The following CCSER1 variants were observed in gnomAD, a reference collection of about 807,000 sequenced individuals.
The protein encoded by CCSER1 is serine-rich coiled-coil domain-containing protein 1.
CCSER1 carries 41 observed loss-of-function variants against 82.0 expected under a neutral mutation model. The ratio of observed to expected loss-of-function variants is 0.50; its 90% confidence interval spans 0.39 to 0.65. CCSER1 has a LOEUF of 0.65. Ranked by LOEUF, CCSER1 falls within the 30% of genes least tolerant of loss-of-function variation. The probability of loss-of-function intolerance (pLI) is 0.00; values close to 1 mark genes in which losing one functional copy is unlikely to be tolerated. For missense variants in CCSER1, 1,119 were observed against 1,064.2 expected, an observed-to-expected ratio of 1.05 and a Z score of -0.72; for synonymous variants, 414 against 383.9, an observed-to-expected ratio of 1.08 and a Z score of -0.92.
chr4:90,922,131 G>A (rs913100712), intron 8 of CCSER1, among the ~76,000 whole-genome samples: 2 of 152,058 alleles, frequency 1.3e-5, no homozygotes, highest in African/African-American at 4.8e-5. Context: ...GAAGTCAGAA[G>A]TGATGAGACT....
intron 5 of CCSER1, among the ~76,000 whole-genome samples, chr4:90,488,437 C>T (rs1015741392): frequency 7.2e-5 from 11 of 152,138 alleles, no homozygotes; most frequent in Admixed American, 5.9e-4. Context: ...ATCCGCCCCA[C>T]TCGGCCTCCC....
chr4:90,361,565 T>A (rs1009829624), intron 3 of CCSER1, among the ~76,000 whole-genome samples: 1 of 152,186 alleles, frequency 6.6e-6, no homozygotes, highest in African/African-American at 2.4e-5. Flanking sequence ...ATATATTATG[T>A]GACACTGAAG....
chr4:91,182,337 G>T, intron 10 of CCSER1, among the ~76,000 whole-genome samples: 1 of 152,254 alleles, frequency 6.6e-6, no homozygotes, highest in East Asian at 1.9e-4. Flanking sequence ...CCCAAATTTT[G>T]TTAACGGATC....
chr4:91,256,373 G>T (rs1740684931), intron 10 of CCSER1, among the ~76,000 whole-genome samples: 1 of 152,122 alleles, frequency 6.6e-6, no homozygotes, highest in Admixed American at 6.5e-5. Flanking sequence ...TTCTAGTTTT[G>T]CCCTGGCCTA....
intron 10 of CCSER1, among the ~76,000 whole-genome samples, chr4:91,248,790 T>TATTA (rs5860226): frequency 0.23 from 34,602 of 151,894 alleles, 4,618 homozygotes; most frequent in African/African-American, 0.36. Flanking sequence ...CAATATTAAT[T>TATTA]ATTATTACAA....
intron 1 of CCSER1, among the ~76,000 whole-genome samples, chr4:90,273,511 A>G (rs1726982719): frequency 6.6e-6 from 1 of 152,192 alleles, no homozygotes; most frequent in Admixed American, 6.5e-5. Context: ...ATAATTTTAA[A>G]AAACTGAAGT....
intron 7 of CCSER1, among the ~76,000 whole-genome samples, chr4:90,740,533 A>T (rs1746363835): frequency 6.6e-6 from 1 of 152,188 alleles, no homozygotes; most frequent in Admixed American, 6.5e-5. Context: ...AACATTAGCA[A>T]ATACTTTCAT....
chr4:91,468,040 GAC>G (rs1757029905), intron 10 of CCSER1, among the ~76,000 whole-genome samples: 1 of 152,108 alleles, frequency 6.6e-6, no homozygotes, highest in Non-Finnish European at 1.5e-5. Flanking sequence ...CTGCTATAAA[GAC>G]ACATACACAC....
intron 5 of CCSER1, among the ~76,000 whole-genome samples, chr4:90,598,825 G>A (rs973397130): frequency 6.6e-5 from 10 of 152,082 alleles, no homozygotes; most frequent in Non-Finnish European, 1.0e-4. Flanking sequence ...TTAGAATGGG[G>A]AGATGAGCCT....
intron 4 of CCSER1, among the ~76,000 whole-genome samples, chr4:90,412,548 A>T (rs1361791242): frequency 1.3e-5 from 2 of 151,466 alleles, no homozygotes; most frequent in African/African-American, 2.4e-5. Flanking sequence ...AACCAAAAAG[A>T]TAATCCATGA....
chr4:91,359,675 G>A (rs1455535209), intron 10 of CCSER1, among the ~76,000 whole-genome samples: 6 of 151,794 alleles, frequency 4.0e-5, no homozygotes, highest in African/African-American at 1.5e-4. Context: ...AAAGGATATT[G>A]AAAAAGGGCT....
At chr4:90,436,043 T>C (rs2153569515) in intron 4 of CCSER1, among the ~76,000 whole-genome samples, 1 of 152,294 alleles carries the variant, frequency 6.6e-6, no homozygotes, top group Non-Finnish European at 1.5e-5. Flanking sequence ...ATGTTAATAT[T>C]CATGATATTA....
intron 10 of CCSER1, among the ~76,000 whole-genome samples, chr4:91,305,193 A>G (rs1015760693): frequency 2.0e-5 from 3 of 152,052 alleles, no homozygotes; most frequent in African/African-American, 7.2e-5. Context: ...GAATCATTCA[A>G]AAGTTTGTTT....
chr4:91,225,352 GT>G (rs1451423663), intron 10 of CCSER1, among the ~76,000 whole-genome samples: 38 of 68,368 alleles, frequency 5.6e-4, no homozygotes, highest in African/African-American at 2.3e-3. Context: ...TAATATATAT[GT>G]ATATATATTA....
intron 10 of CCSER1, among the ~76,000 whole-genome samples, chr4:91,242,501 T>C (rs1739450020): frequency 6.6e-6 from 1 of 152,172 alleles, no homozygotes; most frequent in Admixed American, 6.5e-5. Flanking sequence ...TATCTCAAAA[T>C]GGATTATAAG....
chr4:90,985,895 G>T (rs959816928), intron 9 of CCSER1, among the ~76,000 whole-genome samples: 1 of 151,706 alleles, frequency 6.6e-6, no homozygotes, highest in African/African-American at 2.4e-5. Flanking sequence ...TATTAGACCA[G>T]TTAACTAATA....
chr4:91,521,470 G>A (rs2110141579), intron 10 of CCSER1, among the ~76,000 whole-genome samples: 1 of 152,258 alleles, frequency 6.6e-6, no homozygotes, highest in East Asian at 1.9e-4. Context: ...CTTCCACAAT[G>A]GTTGAACTAA....
chr4:90,943,775 T>C (rs1315474366), intron 9 of CCSER1, among the ~76,000 whole-genome samples: 2 of 136,812 alleles, frequency 1.5e-5, no homozygotes, highest in Admixed American at 7.8e-5. Flanking sequence ...GGGGTCTCAC[T>C]ATGTTGCCTA....
chr4:90,281,717 G>T (rs1040640314), intron 1 of CCSER1, among the ~76,000 whole-genome samples: 1 of 151,868 alleles, frequency 6.6e-6, no homozygotes, highest in Non-Finnish European at 1.5e-5. Context: ...TTATGGTGTT[G>T]GAAAGTCTGA....
Sources: gnomAD v4.1 joint callset for allele counts (sites outside exome capture counted in the v4.1 genomes callset) on GRCh38, gnomAD v4.1.1 for gene constraint, MANE v1.5 for transcripts, NCBI Gene and HGNC (gene_info 2026-07-23, HGNC 2026-07-21) for gene names.